ATF3: variants seen among roughly 807,000 people sequenced by gnomAD.
ATF3 encodes the protein activating transcription factor 3, also known as cyclic AMP-dependent transcription factor ATF-3.
Under a neutral mutation model 18.4 loss-of-function variants are expected in ATF3, and 10 were observed. That is an observed-to-expected ratio of 0.54 (90% CI 0.34 to 0.92). ATF3 has a LOEUF of 0.92. Ranked by LOEUF, ATF3 falls within the 40% of genes least tolerant of loss-of-function variation. The pLI, the probability that ATF3 is intolerant of heterozygous loss-of-function variation, is 0.02. For synonymous variants in ATF3, 78 were observed against 87.9 expected, an observed-to-expected ratio of 0.89 and a Z score of 0.63; for missense variants, 183 against 222.3, an observed-to-expected ratio of 0.82 and a Z score of 1.12.
chr1:212,584,901 C>T (rs1664749805), intron 1 of ATF3, among the ~76,000 whole-genome samples: 1 of 152,148 alleles, frequency 6.6e-6, no homozygotes, highest in South Asian at 2.1e-4. Flanking sequence ...ATAGCAGGGC[C>T]CCAGGCAGGC....
At chr1:212,585,801 T>C (rs567650853) in intron 1 of ATF3, among the ~76,000 whole-genome samples, 1 of 152,004 alleles carries the variant, frequency 6.6e-6, no homozygotes, top group Non-Finnish European at 1.5e-5. Flanking sequence ...TAGGTGTGTG[T>C]GTGTGTGTAT....
intron 1 of ATF3, among the ~76,000 whole-genome samples, chr1:212,590,364 G>T (rs1664859454): frequency 6.6e-6 from 1 of 150,964 alleles, no homozygotes; most frequent in Non-Finnish European, 1.5e-5. Context: ...ATTGTATTGT[G>T]ATTTCCTTTT....
chr1:212,593,791 G>C (rs1227837185), intron 1 of ATF3, among the ~76,000 whole-genome samples: 1 of 146,752 alleles, frequency 6.8e-6, no homozygotes, highest in Admixed American at 6.8e-5. Context: ...CTTTGTAAAT[G>C]ATTGTAAGCA....
At chr1:212,593,805 C>T (rs1403695323) in intron 1 of ATF3, among the ~76,000 whole-genome samples, 1 of 150,218 alleles carries the variant, frequency 6.7e-6, no homozygotes, top group East Asian at 2.0e-4. Context: ...GTAAGCATAC[C>T]TATGTGTCTG....
chr1:212,602,021 C>A (rs2102642081), intron 1 of ATF3, among the ~76,000 whole-genome samples: 1 of 151,982 alleles, frequency 6.6e-6, no homozygotes, highest in Admixed American at 6.6e-5. Flanking sequence ...TTCCTTAATC[C>A]CATGATTAAG....
intron 1 of ATF3, among the ~76,000 whole-genome samples, chr1:212,581,404 T>C (rs1452991050): frequency 6.6e-6 from 1 of 152,190 alleles, no homozygotes; most frequent in African/African-American, 2.4e-5. Flanking sequence ...TGAGTAGATA[T>C]GTAAGAAAAG....
At chr1:212,613,971 A>G (rs935038296) in intron 1 of ATF3, 1 of 152,154 alleles carries the variant, frequency 6.6e-6, no homozygotes, top group African/African-American at 2.4e-5. Flanking sequence ...GGCCCAAGCA[A>G]TGGGAATGAG....
chr1:212,619,206 A>G lies in ATF3; in HGVS notation c.349-152A>G. 1.2e-6 allele frequency: 2 copies of G among 1,610,992 alleles called. No individual in the cohort carries two copies. The highest frequency in any genetic ancestry group is 1.7e-6 in the Non-Finnish European group (2 of 1,179,302). On this transcript the variant is annotated intron_variant, in intron 3 of 3. Transcript: ENST00000341491. This position sits in a 1 kb window ranked among gnomAD's most constrained non-coding sequence, Gnocchi z 4.4. ...AGAGGGTCTGCATTTTCCTAAACCCAGTGCTGCTCTCCCATCTCCCATCTT... is the reference window on the plus strand; with the variant it reads ...AGAGGGTCTGCATTTTCCTAAACCCGGTGCTGCTCTCCCATCTCCCATCTT...
At chr1:212,607,947 G>T (rs1654692443), upstream of ATF3, among the ~76,000 whole-genome samples, 1 of 151,914 alleles carries the variant, frequency 6.6e-6, no homozygotes, top group Admixed American at 6.5e-5. Flanking sequence ...CCTACCACTC[G>T]CCCTAGTTTC....
chr1:212,597,351 A>G (rs1193115009), intron 1 of ATF3, among the ~76,000 whole-genome samples: 1 of 152,178 alleles, frequency 6.6e-6, no homozygotes, highest in African/African-American at 2.4e-5. Flanking sequence ...GGAATTTCAG[A>G]ATTTATAATA....
chr1:212,565,751 GT>G (rs1314796696), intron 1 of ATF3, among the ~76,000 whole-genome samples: 12 of 152,164 alleles, frequency 7.9e-5, no homozygotes, highest in African/African-American at 2.9e-4. Flanking sequence ...CCCTCTGCAG[GT>G]TACATAACAC....
At position 212,619,276 on chromosome 1, in the gene ATF3, T is replaced by A; in HGVS notation, c.349-82T>A. On this transcript the variant is annotated intron_variant, in intron 3 of 3. Transcript: ENST00000341491. This position sits in a 1 kb window ranked among gnomAD's most constrained non-coding sequence, Gnocchi z 4.4. ...CCCCGGTGTGTCCCAGGTACACCCCTGCATCCAGGCAGCAGCCCAGGCCAC... is the reference window on the plus strand; with the variant it reads ...CCCCGGTGTGTCCCAGGTACACCCCAGCATCCAGGCAGCAGCCCAGGCCAC... 3 of 1,611,530 alleles carry A rather than the reference T, an allele frequency of 1.9e-6. No individual in the cohort carries two copies. Among genetic ancestry groups the A allele is most frequent in the Non-Finnish European group, 2.5e-6 (3 of 1,179,832 alleles).
At chr1:212,605,475 C>T (rs923856935), upstream of ATF3, among the ~76,000 whole-genome samples, 2 of 152,228 alleles carry the variant, frequency 1.3e-5, no homozygotes, top group Non-Finnish European at 2.9e-5. Flanking sequence ...AGTACTCTGC[C>T]GCTTCTCTGG....
At chr1:212,579,402 G>T (rs1458046731) in intron 1 of ATF3, among the ~76,000 whole-genome samples, 1 of 152,106 alleles carries the variant, frequency 6.6e-6, no homozygotes, top group Non-Finnish European at 1.5e-5. Context: ...CAAAGAGCAG[G>T]GCAGTATATA....
At chr1:212,592,470 C>G (rs984015891) in intron 1 of ATF3, among the ~76,000 whole-genome samples, 1 of 119,472 alleles carries the variant, frequency 8.4e-6, no homozygotes, top group Non-Finnish European at 1.8e-5. Flanking sequence ...AGGATCCTAA[C>G]AAGGTCCACA....
Position 212,620,546 on chromosome 1 carries a change from G to C in ATF3, c.*991G>C, listed in dbSNP as rs1452258311. ...ATAGCATTGTTTTTGTCATGTAGCT[G>C]TTTTAAGAAATCTGGCCCAGGGTGT... On this transcript the variant is annotated 3_prime_UTR_variant, in exon 4 of 4. Coordinates refer to ENST00000341491, the MANE Select transcript of ATF3 (RefSeq NM_001674.4). 1 of 152,624 alleles carries C rather than the reference G, an allele frequency of 6.6e-6. No homozygotes were observed. Among genetic ancestry groups the C allele is most frequent in the Non-Finnish European group, 1.5e-5 (1 of 68,040 alleles). The allele number at this position is 152,624 out of a possible 1,614,324, so 9.5% of individuals were successfully genotyped here. A position where few individuals can be genotyped will look rare whatever the true frequency, so the allele number is the denominator to read the frequency against.
chr1:212,596,098 G>A (rs1347689056), intron 1 of ATF3, among the ~76,000 whole-genome samples: 2 of 152,178 alleles, frequency 1.3e-5, no homozygotes, highest in Admixed American at 1.3e-4. Context: ...TTCCTTCGAT[G>A]AATTAATATT....
intron 2 of ATF3, among the ~76,000 whole-genome samples, 179 bp from the exon 3 acceptor site, chr1:212,617,932 CGTGTGTGTGTGTGCGT>C (rs971910781): frequency 1.0e-4 from 11 of 106,596 alleles, no homozygotes; most frequent in African/African-American, 1.4e-4. Context: ...TGTTCACTCA[CGTGTGTGTGTGTGCGT>C]GTGTGTGTGT....
upstream of ATF3, among the ~76,000 whole-genome samples, chr1:212,604,073 T>TC (rs946145602): frequency 6.6e-6 from 1 of 152,210 alleles, no homozygotes; most frequent in African/African-American, 2.4e-5. Flanking sequence ...AGTAAAACTT[T>TC]CCCCAAAGAA....
Sources: gnomAD v4.1 joint callset for allele counts (sites outside exome capture counted in the v4.1 genomes callset) on GRCh38, gnomAD v4.1.1 for gene constraint, Gnocchi (gnomAD v3.1) non-coding constraint, MANE v1.5 for transcripts, NCBI Gene and HGNC (gene_info 2026-07-23, HGNC 2026-07-21) for gene names.